Variants in CLIP1 observed in about 807,000 individuals in gnomAD.
CLIP1 encodes the protein CAP-Gly domain-containing linker protein 1.
A neutral mutation model predicts 161.6 loss-of-function variants in CLIP1; 66 were observed. That is an observed-to-expected ratio of 0.41 (90% CI 0.33 to 0.50). The LOEUF (loss-of-function observed/expected upper bound fraction) is 0.50. Among genes scored for constraint, CLIP1 ranks in the 20% least tolerant of loss-of-function variants. The probability of loss-of-function intolerance (pLI) is 0.27; values close to 1 mark genes in which losing one functional copy is unlikely to be tolerated. For synonymous variants in CLIP1, 598 were observed against 626.2 expected, an observed-to-expected ratio of 0.96 and a Z score of 0.67; for missense variants, 1,376 against 1,702.0, an observed-to-expected ratio of 0.81 and a Z score of 3.37.
chr12:122,367,466 C>T (rs1277700173), intron 3 of CLIP1, among the ~76,000 whole-genome samples: 2 of 152,180 alleles, frequency 1.3e-5, no homozygotes, highest in Admixed American at 6.6e-5. Flanking sequence ...GTCCTAAAAT[C>T]ATCAAATGTT....
At chr12:122,289,317 G>C (rs1044478088) in intron 20 of CLIP1, among the ~76,000 whole-genome samples, 1 of 151,992 alleles carries the variant, frequency 6.6e-6, no homozygotes, top group South Asian at 2.1e-4. Flanking sequence ...TACTCAGGAG[G>C]CTGAGGCAGG....
intron 11 of CLIP1, among the ~76,000 whole-genome samples, chr12:122,339,543 A>T (rs907340422): frequency 6.6e-6 from 1 of 152,002 alleles, no homozygotes; most frequent in Non-Finnish European, 1.5e-5. Flanking sequence ...GGCTGGACTC[A>T]AACTCCTGAC....
chr12:122,278,752 C>T (rs60258475), intron 23 of CLIP1, 40 bp downstream of exon 23: 104 of 1,529,294 alleles, frequency 6.8e-5, no homozygotes, highest in Middle Eastern at 2.5e-4. Context: ...CTCGGGAGGA[C>T]GCGGGGTGTA....
rs376140195 is a variant in CLIP1, at chr12:122,330,597, G to GTTTTTTTTTTTTGTTT, written c.2868-2172_2868-2171insAAACAAAAAAAAAAAA. Among the ~76,000 whole-genome samples, 106 of 101,370 alleles carry GTTTTTTTTTTTTGTTT rather than the reference G, an allele frequency of 1.0e-3. 2 individuals carry two copies. Among genetic ancestry groups the GTTTTTTTTTTTTGTTT allele is most frequent in the African/African-American group, 4.6e-3 (104 of 22,770 alleles). 66.5% of individuals were successfully genotyped at this position (101,370 alleles called of 152,430 possible). ...TTCAGCACTGAAGAAGTATAATGCA[G>GTTTTTTTTTTTTGTTT]TTTTTTTTTTTTTTTTTTTTGAGAT... On this transcript the variant is annotated intron_variant, in intron 15 of 25. Coordinates refer to ENST00000620786, the MANE Select transcript of CLIP1 (RefSeq NM_001247997.2).
chr12:122,304,896 AG>A (rs1235256883), intron 20 of CLIP1, among the ~76,000 whole-genome samples: 1 of 152,230 alleles, frequency 6.6e-6, no homozygotes, highest in Non-Finnish European at 1.5e-5. Context: ...AGCTAAAAAT[AG>A]CTTTCCCTTT....
rs748836814 is a variant in CLIP1 at position 122,328,015 on chromosome 12, C to A, written c.3181G>T (p.Ala1061Ser). 5.6e-6 allele frequency: 9 copies of A among 1,614,170 alleles called. No homozygotes were observed. In the East Asian group the frequency reaches 2.0e-4, roughly 36 times the overall value. The part of the protein sequence containing the change: ...LLDTEDKLKG[A>S]REENSGLLQE... ...AGCAAGCCACTGTTCTCCTCCCGTG[C>A]GCCCTTCAGCTTGTCCTCTGTGTCC... The change falls in exon 17 of 26, where the codon GCA (alanine) becomes TCA (serine). Residue 1061 changes from alanine to serine, a missense_variant. Transcript: ENST00000620786.
At chr12:122,364,980 C>G in intron 3 of CLIP1, 1 of 416,352 alleles carries the variant, frequency 2.4e-6, no homozygotes, top group Non-Finnish European at 4.6e-6. Flanking sequence ...TAAACTATCG[C>G]AAGGACAAAA....
intron 1 of CLIP1, among the ~76,000 whole-genome samples, chr12:122,410,914 C>T (rs1956506384): frequency 6.6e-6 from 1 of 152,178 alleles, no homozygotes; most frequent in African/African-American, 2.4e-5. Context: ...CCACACTGCA[C>T]ACTCACTAGG....
intron 17 of CLIP1, among the ~76,000 whole-genome samples, chr12:122,319,754 A>G (rs1273323598): frequency 6.6e-6 from 1 of 152,220 alleles, no homozygotes; most frequent in Non-Finnish European, 1.5e-5. Flanking sequence ...AGTTTAAAAT[A>G]CCATCCTTGC....
At chr12:122,405,515 GC>G (rs1413798208) in intron 1 of CLIP1, among the ~76,000 whole-genome samples, 4 of 152,104 alleles carry the variant, frequency 2.6e-5, no homozygotes, top group Admixed American at 6.6e-5. Context: ...GCAGCCAGGC[GC>G]GGTGGCTCAC....
At chr12:122,285,951 GTT>G (rs1255976354) in intron 21 of CLIP1, among the ~76,000 whole-genome samples, 1 of 151,872 alleles carries the variant, frequency 6.6e-6, no homozygotes, top group East Asian at 1.9e-4. Context: ...CAGGGACGAG[GTT>G]TAGGCATGGC....
At chr12:122,405,783 C>A (rs916141085) in intron 1 of CLIP1, among the ~76,000 whole-genome samples, 2 of 145,850 alleles carry the variant, frequency 1.4e-5, no homozygotes, top group African/African-American at 5.1e-5. Context: ...AAAAAGGAAA[C>A]AGCAGCCGGG....
At chr12:122,387,549 TATA>T (rs1566208929) in intron 1 of CLIP1, among the ~76,000 whole-genome samples, 212 of 14,026 alleles carry the variant, frequency 0.015, 2 homozygotes, top group South Asian at 0.032. Flanking sequence ...TGCCTTTTCA[TATA>T]TATATATATA....
At chr12:122,294,902 A>C (rs1950410133) in intron 20 of CLIP1, among the ~76,000 whole-genome samples, 1 of 151,856 alleles carries the variant, frequency 6.6e-6, no homozygotes, top group East Asian at 1.9e-4. Context: ...AAAATACAAA[A>C]AATTAGCTGG....
intron 1 of CLIP1, among the ~76,000 whole-genome samples, chr12:122,417,784 T>C (rs1956806508): frequency 6.6e-6 from 1 of 152,148 alleles, no homozygotes; most frequent in South Asian, 2.1e-4. Context: ...GGTGCTGGGA[T>C]TACAGGTGTG....
At chr12:122,422,867 C>T (rs1173304358), upstream of CLIP1, among the ~76,000 whole-genome samples, 2 of 151,648 alleles carry the variant, frequency 1.3e-5, no homozygotes, top group Non-Finnish European at 2.9e-5. Flanking sequence ...GCTCCGCCCT[C>T]GAACCCTCCC....
At chr12:122,404,749 A>G (rs1490093413) in intron 1 of CLIP1, among the ~76,000 whole-genome samples, 1 of 151,720 alleles carries the variant, frequency 6.6e-6, no homozygotes, top group Non-Finnish European at 1.5e-5. Flanking sequence ...TACAAAAAAA[A>G]AAAATTAGCC....
chr12:122,385,211 G>A (rs991422786), intron 1 of CLIP1, among the ~76,000 whole-genome samples: 3 of 152,060 alleles, frequency 2.0e-5, no homozygotes, highest in South Asian at 2.1e-4. Context: ...GGTTACAGGC[G>A]TGAGACACCG....
intron 17 of CLIP1, among the ~76,000 whole-genome samples, chr12:122,320,981 T>G (rs1951477224): frequency 1.3e-5 from 2 of 151,550 alleles, no homozygotes; most frequent in African/African-American, 4.8e-5. Flanking sequence ...GTGCTGGGAT[T>G]ACAGGTGTAA....
Sources: gnomAD v4.1 joint callset for allele counts (sites outside exome capture counted in the v4.1 genomes callset) on GRCh38, gnomAD v4.1.1 for gene constraint, MANE v1.5 for transcripts, NCBI Gene and HGNC (gene_info 2026-07-23, HGNC 2026-07-21) for gene names.